Variants in MAGI1 observed in about 807,000 individuals in gnomAD.
MAGI1 encodes membrane associated guanylate kinase, WW and PDZ domain containing 1.
In MAGI1, 58 loss-of-function variants were observed where a neutral mutation model predicts 139.9. The observed-to-expected ratio is 0.41, with a 90% CI of 0.34 to 0.52. The LOEUF (loss-of-function observed/expected upper bound fraction) is 0.52. MAGI1 is among the 20% of genes least tolerant of loss of function. The probability of loss-of-function intolerance (pLI) is 0.12; values close to 1 mark genes in which losing one functional copy is unlikely to be tolerated. For synonymous variants in MAGI1, 812 were observed against 737.9 expected (o/e 1.10, Z -1.63); for missense variants, 1,874 against 1,901.6 (o/e 0.99, Z 0.27).
At chr3:65,685,532 C>T (rs1482603211) in intron 1 of MAGI1, among the ~76,000 whole-genome samples, 1 of 152,100 alleles carries the variant, frequency 6.6e-6, no homozygotes, top group Admixed American at 6.5e-5. Flanking sequence ...TTGTATTACA[C>T]ACAATGTCAA....
At chr3:66,011,440 T>C (rs1178493604) in intron 1 of MAGI1, among the ~76,000 whole-genome samples, 1 of 152,054 alleles carries the variant, frequency 6.6e-6, no homozygotes, top group East Asian at 1.9e-4. Context: ...CACACAAACA[T>C]ACACCCCTAT....
chr3:65,424,304 T>A (rs1453776554), intron 12 of MAGI1, among the ~76,000 whole-genome samples: 1 of 152,042 alleles, frequency 6.6e-6, no homozygotes, highest in African/African-American at 2.4e-5. Flanking sequence ...AGCTAGAGGA[T>A]TAATCTTCCA....
intron 1 of MAGI1, among the ~76,000 whole-genome samples, chr3:66,011,731 C>G (rs2067330265): frequency 6.6e-6 from 1 of 151,804 alleles, no homozygotes; most frequent in South Asian, 2.1e-4. Context: ...TCCTCCAGCC[C>G]AATTCCTTCA....
intron 1 of MAGI1, among the ~76,000 whole-genome samples, chr3:65,829,821 T>C (rs2042430690): frequency 6.6e-6 from 1 of 152,222 alleles, no homozygotes. Flanking sequence ...ATAATTAAGC[T>C]TGATCAGGAA....
At chr3:65,989,827 C>T (rs2066071818) in intron 1 of MAGI1, among the ~76,000 whole-genome samples, 1 of 152,228 alleles carries the variant, frequency 6.6e-6, no homozygotes, top group Non-Finnish European at 1.5e-5. Flanking sequence ...GCATGAGCCA[C>T]TGCACCTGAC....
intron 1 of MAGI1, among the ~76,000 whole-genome samples, chr3:65,952,213 A>T (rs1467837399): frequency 6.6e-6 from 1 of 152,160 alleles, no homozygotes; most frequent in African/African-American, 2.4e-5. Flanking sequence ...TGCTGTTTTA[A>T]TGCCTGATGA....
At chr3:65,479,889 A>G (rs1194298416) in intron 3 of MAGI1, among the ~76,000 whole-genome samples, 1 of 152,162 alleles carries the variant, frequency 6.6e-6, no homozygotes, top group Non-Finnish European at 1.5e-5. Flanking sequence ...GATAATCAAT[A>G]ATATTCAGCG....
intron 3 of MAGI1, among the ~76,000 whole-genome samples, chr3:65,490,491 T>C (rs1356161716): frequency 4.6e-5 from 7 of 152,034 alleles, no homozygotes; most frequent in Non-Finnish European, 8.8e-5. Context: ...TAATAAACAT[T>C]CCATTTGGCT....
rs200888511 is a variant in MAGI1 at position 65,950,372 on chromosome 3, GTACTCTGCA to G, written c.313+87615_313+87623del. ...GCCTCAAAGAACCCTCCTGGTAAGG[GTACTCTGCA>G]TAGATCTGCATATTCTCCCATGGCC... On this transcript the variant is annotated intron_variant, in intron 1 of 22. Transcript: ENST00000402939. Among the ~76,000 whole-genome samples the G allele has an allele frequency of 1.8e-4, 28 of 152,118 alleles. No homozygotes were observed. In the East Asian group the frequency reaches 5.2e-3, roughly 29 times the overall value.
chr3:65,747,605 G>A (rs1298495592), intron 1 of MAGI1, among the ~76,000 whole-genome samples: 2 of 152,042 alleles, frequency 1.3e-5, no homozygotes, highest in East Asian at 1.9e-4. Context: ...TGGTGTCCTC[G>A]AGTATATTTA....
At chr3:65,570,417 A>T (rs948223345) in intron 2 of MAGI1, among the ~76,000 whole-genome samples, 5 of 123,600 alleles carry the variant, frequency 4.0e-5, no homozygotes, top group Admixed American at 8.4e-5. Flanking sequence ...ACAATACTTC[A>T]TAAAAAAAAA....
intron 1 of MAGI1, among the ~76,000 whole-genome samples, chr3:65,828,725 T>G (rs1340613039): frequency 6.6e-6 from 1 of 152,194 alleles, no homozygotes; most frequent in Non-Finnish European, 1.5e-5. Flanking sequence ...ATAAAGGGTA[T>G]GGACCTTGAG....
chr3:65,841,805 C>A (rs532475748), intron 1 of MAGI1, among the ~76,000 whole-genome samples: 1 of 152,156 alleles, frequency 6.6e-6, no homozygotes, highest in Non-Finnish European at 1.5e-5. Context: ...ACAGGGTTCA[C>A]AGGAACCTAA....
chr3:65,509,924 G>A (rs1303448994), intron 2 of MAGI1, among the ~76,000 whole-genome samples: 1 of 152,194 alleles, frequency 6.6e-6, no homozygotes, highest in Non-Finnish European at 1.5e-5. Context: ...TTTGAAGAGA[G>A]GAGTGGTTCT....
chr3:65,596,710 C>A (rs1223862406), intron 2 of MAGI1, among the ~76,000 whole-genome samples: 7 of 152,200 alleles, frequency 4.6e-5, no homozygotes, highest in Non-Finnish European at 2.9e-5. Flanking sequence ...GCATAGCCTT[C>A]CTGAATCTTC....
intron 4 of MAGI1, among the ~76,000 whole-genome samples, chr3:65,475,105 G>GA (rs796669437): frequency 7.6e-4 from 112 of 146,602 alleles, no homozygotes; most frequent in African/African-American, 1.5e-3. Context: ...GGATTATTGG[G>GA]AAAAAAAAAA....
rs367838029 is a variant in MAGI1 at position 65,549,528 on chromosome 3, T to C, written c.431-55897A>G. Reference sequence around the variant, plus strand: ...GCGGCCCGGCGGCAGCTGCTCCTTTTATGGGGCTCGCAGGCAGTAGGCTCG... The same window carrying C: ...GCGGCCCGGCGGCAGCTGCTCCTTTCATGGGGCTCGCAGGCAGTAGGCTCG... On this transcript the variant is annotated intron_variant, in intron 2 of 22. Coordinates refer to ENST00000402939, the MANE Select transcript of MAGI1 (RefSeq NM_001033057.2). 5.1e-6 allele frequency: 5 copies of C among 974,610 alleles called. 1 individual carries two copies. The Admixed American group carries it at 1.8e-4, about 36-fold the overall frequency. 60.4% of individuals were successfully genotyped at this position (974,610 alleles called of 1,614,324 possible). A position where few individuals can be genotyped will look rare whatever the true frequency, so the allele number is the denominator to read the frequency against.
rs568453229 is a variant in MAGI1 at position 65,565,674 on chromosome 3, T to C, written c.430+56298A>G. ...GAGTTCAAGACCAGCCTGGTCAACATGGTGAAACCCTGTCTCTACTAAAAA... is the reference window on the plus strand; with the variant it reads ...GAGTTCAAGACCAGCCTGGTCAACACGGTGAAACCCTGTCTCTACTAAAAA... On this transcript the variant is annotated intron_variant, in intron 2 of 22. Coordinates refer to ENST00000402939, the MANE Select transcript of MAGI1 (RefSeq NM_001033057.2). 3.7e-3 allele frequency among the ~76,000 whole-genome samples: 562 copies of C among 151,676 alleles called. 4 individuals carry two copies. The highest frequency in any genetic ancestry group is 0.013 in the African/African-American group (541 of 41,306).
chr3:65,465,543 A>G (rs1950112413), intron 5 of MAGI1, among the ~76,000 whole-genome samples: 2 of 152,086 alleles, frequency 1.3e-5, no homozygotes, highest in African/African-American at 4.8e-5. Context: ...TTCTTTCAGC[A>G]CTAGAAAAAT....
Sources: allele counts gnomAD v4.1 joint callset (sites outside exome capture counted in the v4.1 genomes callset), GRCh38; gene constraint gnomAD v4.1.1; transcripts MANE v1.5; gene names NCBI Gene and HGNC (gene_info 2026-07-23, HGNC 2026-07-21).